TCF12: variants seen among roughly 807,000 people sequenced by gnomAD.
TCF12 encodes the protein DNA-binding protein HTF4.
Under a neutral mutation model 86.0 loss-of-function variants are expected in TCF12, and 45 were observed. The ratio of observed to expected loss-of-function variants is 0.52; its 90% CI spans 0.41 to 0.67. The LOEUF (loss-of-function observed/expected upper bound fraction) is 0.67, where lower values mean the gene tolerates loss of function less well. TCF12 is among the 30% of genes least tolerant of loss of function. The pLI, the probability that TCF12 is intolerant of heterozygous loss-of-function variation, is 0.00. For synonymous variants in TCF12, 330 were observed against 299.6 expected (o/e 1.10, Z -1.05); for missense variants, 881 against 859.9 (o/e 1.02, Z -0.31).
At chr15:56,953,502 C>T (rs977475418) in intron 3 of TCF12, among the ~76,000 whole-genome samples, 15 of 151,820 alleles carry the variant, frequency 9.9e-5, no homozygotes, top group African/African-American at 3.6e-4. Flanking sequence ...TTATTTTCCC[C>T]TTAAATCTAC....
At chr15:56,933,613 G>T (rs2060341636) in intron 3 of TCF12, among the ~76,000 whole-genome samples, 1 of 152,136 alleles carries the variant, frequency 6.6e-6, no homozygotes, top group South Asian at 2.1e-4. Context: ...CTAAGATGAG[G>T]ACAATAAAAA....
chr15:57,260,627 C>G, intron 16 of TCF12, among the ~76,000 whole-genome samples: 1 of 152,064 alleles, frequency 6.6e-6, no homozygotes, highest in East Asian at 1.9e-4. Flanking sequence ...ACAATTATTT[C>G]CCCAGCCCGT....
intron 3 of TCF12, among the ~76,000 whole-genome samples, chr15:57,006,429 C>T (rs995575425): frequency 5.3e-5 from 8 of 151,820 alleles, no homozygotes; most frequent in East Asian, 3.9e-4. Flanking sequence ...CTCAGCCTCC[C>T]GAGTAGCTGG....
intron 3 of TCF12, among the ~76,000 whole-genome samples, chr15:57,025,492 A>G: frequency 6.6e-6 from 1 of 152,154 alleles, no homozygotes; most frequent in East Asian, 1.9e-4. Context: ...TTTTGACCAC[A>G]GAACCTGTTT....
intron 8 of TCF12, among the ~76,000 whole-genome samples, chr15:57,201,480 G>A (rs966191464): frequency 9.2e-5 from 14 of 152,012 alleles, no homozygotes; most frequent in African/African-American, 3.4e-4. Context: ...AAATAAACAC[G>A]TGTTGAGGTC....
In TCF12 at chr15:57,282,528, A is replaced by G. The variant is rs1263294616; in HGVS notation, c.2062A>G (p.Thr688Ala). The G allele has an allele frequency of 2.5e-6, 4 of 1,614,222 alleles. No individual in the cohort carries two copies. The highest frequency in any genetic ancestry group is 3.4e-6 in the Non-Finnish European group (4 of 1,180,044). ...VSAVSAEPPT[T>A]LPGTHPGLSE... ...TGCCGTATCGGCAGAGCCGCCAACC[A>G]CACTGCCAGGAACCCATCCTGGGCT... The change falls in exon 20 of 21, where the codon ACA becomes GCA. Residue 688 changes from threonine to alanine, a missense_variant. Coordinates refer to ENST00000333725, the MANE Select transcript of TCF12 (RefSeq NM_207037.2).
chr15:57,018,327 G>A (rs984417131), intron 3 of TCF12, among the ~76,000 whole-genome samples: 5 of 152,192 alleles, frequency 3.3e-5, no homozygotes. Context: ...TATGTGTGTG[G>A]CATTAGGTTA....
chr15:56,926,199 G>T (rs2060006966), intron 3 of TCF12, among the ~76,000 whole-genome samples: 4 of 152,060 alleles, frequency 2.6e-5, no homozygotes, highest in Non-Finnish European at 5.9e-5. Context: ...TGTAGTCCCA[G>T]CTACTGGGGA....
In TCF12 at chr15:57,091,751, A is replaced by G. The variant is rs1361879133; in HGVS notation, c.223-38A>G. On this transcript the variant is annotated intron_variant, in intron 4 of 20. Coordinates refer to ENST00000333725, the MANE Select transcript of TCF12 (RefSeq NM_207037.2). ...TATGCTCAATTAGCGGGACTGCCAA[A>G]TAATCTCTTTAATACTCTGATCTTT... 5 of 1,523,100 alleles carry G rather than the reference A, an allele frequency of 3.3e-6. No individual in the cohort carries two copies. In the East Asian group the frequency reaches 9.0e-5, roughly 27 times the overall value. The allele number at this position is 1,523,100 out of a possible 1,614,324, so 94.3% of individuals were successfully genotyped here. A position where few individuals can be genotyped will look rare whatever the true frequency, so the allele number is the denominator to read the frequency against.
chr15:57,127,202 C>A (rs1156703458), intron 5 of TCF12, among the ~76,000 whole-genome samples: 1 of 151,960 alleles, frequency 6.6e-6, no homozygotes, highest in African/African-American at 2.4e-5. Flanking sequence ...AGGCTGGTCT[C>A]GAACTCCTGA....
intron 5 of TCF12, among the ~76,000 whole-genome samples, chr15:57,149,642 C>T (rs982474451): frequency 6.6e-6 from 1 of 152,026 alleles, no homozygotes; most frequent in Non-Finnish European, 1.5e-5. Context: ...TTTATCAAAC[C>T]CATTATCTAT....
intron 12 of TCF12, among the ~76,000 whole-genome samples, chr15:57,242,942 A>G (rs190095518): frequency 2.0e-5 from 3 of 152,332 alleles, no homozygotes; most frequent in Admixed American, 2.0e-4. Flanking sequence ...ATGTTTTACA[A>G]CACTCAATCA....
At chr15:57,055,879 C>G (rs1411817410) in intron 3 of TCF12, among the ~76,000 whole-genome samples, 2 of 152,082 alleles carry the variant, frequency 1.3e-5, no homozygotes, top group South Asian at 2.1e-4. Context: ...TCTTCAAACA[C>G]TTTTTTCTAC....
chr15:57,098,257 C>T (rs943035756), intron 5 of TCF12, among the ~76,000 whole-genome samples: 5 of 152,112 alleles, frequency 3.3e-5, no homozygotes, highest in Non-Finnish European at 7.4e-5. Context: ...CTGACTAGCT[C>T]ACAGTCCCTT....
chr15:57,031,760 T>C (rs2066204017), intron 3 of TCF12, among the ~76,000 whole-genome samples: 1 of 152,210 alleles, frequency 6.6e-6, no homozygotes, highest in South Asian at 2.1e-4. Context: ...TCTCTAACTC[T>C]GGCTTGAGCT....
At chr15:56,951,502 A>G (rs1309918271) in intron 3 of TCF12, among the ~76,000 whole-genome samples, 1 of 152,112 alleles carries the variant, frequency 6.6e-6, no homozygotes, top group Non-Finnish European at 1.5e-5. Context: ...TTGTCTTTTC[A>G]TTCTCTAAAC....
intron 3 of TCF12, among the ~76,000 whole-genome samples, chr15:56,950,312 G>A (rs2061207026): frequency 6.6e-6 from 1 of 152,126 alleles, no homozygotes; most frequent in African/African-American, 2.4e-5. Flanking sequence ...AGCAACCTCT[G>A]CCTACCGGGT....
chr15:57,116,906 G>A (rs2615233), intron 5 of TCF12, among the ~76,000 whole-genome samples: 137,020 of 152,130 alleles, frequency 0.9, 62,039 homozygotes, highest in East Asian at 0.97. Context: ...TTTATTAACA[G>A]CTTTTATTGA....
chr15:57,202,426 T>A (rs940349115), intron 8 of TCF12, among the ~76,000 whole-genome samples: 1 of 151,860 alleles, frequency 6.6e-6, no homozygotes, highest in Non-Finnish European at 1.5e-5. Context: ...ATTTTATTTA[T>A]CTGCCCTCAG....
Sources: allele counts gnomAD v4.1 joint callset (sites outside exome capture counted in the v4.1 genomes callset), GRCh38; gene constraint gnomAD v4.1.1; transcripts MANE v1.5; gene names NCBI Gene and HGNC (gene_info 2026-07-23, HGNC 2026-07-21).